RBMS1: variants seen among roughly 807,000 people sequenced by gnomAD.
RBMS1 encodes the protein RNA-binding motif, single-stranded-interacting protein 1.
RBMS1 carries 17 observed loss-of-function variants against 62.3 expected under a neutral mutation model. The observed-to-expected ratio is 0.27, with a 90% CI of 0.19 to 0.41. The LOEUF (loss-of-function observed/expected upper bound fraction) is 0.41, where lower values mean the gene tolerates loss of function less well. Among genes scored for constraint, RBMS1 ranks in the 10% least tolerant of loss-of-function variants. RBMS1 has a pLI of 1.00. For missense variants in RBMS1, 334 were observed against 504.5 expected, an observed-to-expected ratio of 0.66 and a Z score of 3.24; for synonymous variants, 172 against 170.0, an observed-to-expected ratio of 1.01 and a Z score of -0.09.
Position 160,375,896 on chromosome 2 carries a change from GA to G in RBMS1, c.76-8506del, listed in dbSNP as rs34226372. On this transcript the variant is annotated intron_variant, in intron 1 of 13. Coordinates refer to ENST00000348849, the MANE Select transcript of RBMS1 (RefSeq NM_016836.4). ...CTTTACTTTTTACTCAAAATAAATG[GA>G]AAAAAAAAAAAAAAGAAAGAAAACT... Among the ~76,000 whole-genome samples the G allele has an allele frequency of 4.0e-3, 508 of 126,890 alleles. 2 individuals are homozygous for G. Among genetic ancestry groups the G allele is most frequent in the Non-Finnish European group, 4.5e-3 (272 of 59,936 alleles). The allele number at this position is 126,890 out of a possible 152,430, so 83.2% of individuals were successfully genotyped here.
chr2:160,374,109 C>CA (rs1024804431), intron 1 of RBMS1, among the ~76,000 whole-genome samples: 10 of 151,608 alleles, frequency 6.6e-5, no homozygotes, highest in African/African-American at 1.9e-4. Context: ...CCTGACTCTA[C>CA]AAAAAAAATT....
At chr2:160,390,965 C>G (rs1323586255) in intron 1 of RBMS1, among the ~76,000 whole-genome samples, 1 of 151,388 alleles carries the variant, frequency 6.6e-6, no homozygotes, top group Admixed American at 6.6e-5. Flanking sequence ...GCTATGGAAG[C>G]TAATGTGACC....
chr2:160,465,682 CCTT>C (rs1192370028), intron 1 of RBMS1, among the ~76,000 whole-genome samples: 1 of 152,136 alleles, frequency 6.6e-6, no homozygotes, highest in East Asian at 1.9e-4. Context: ...CTCTCTAGGG[CCTT>C]CTCCTGAGTG....
chr2:160,434,899 C>G (rs1404688502), intron 1 of RBMS1, among the ~76,000 whole-genome samples: 1 of 152,108 alleles, frequency 6.6e-6, no homozygotes, highest in Non-Finnish European at 1.5e-5. Flanking sequence ...ATAAAAGGAG[C>G]TTTGACTTCC....
rs761985258 is a variant in RBMS1, at chr2:160,493,385, G to A, written c.-22C>T. ...CCATGAAGCTGGAAGGGAGCCTGCC[G>A]TGCAGGGTCGCGGACACTTTGGGGT... On this transcript the variant is annotated 5_prime_UTR_variant, in exon 1 of 14. In the 5' UTR this introduces an upstream ATG that the reference lacks. Transcript: ENST00000348849. 1.2e-6 allele frequency: 2 copies of A among 1,609,980 alleles called. No individual in the cohort carries two copies. Among genetic ancestry groups the A allele is most frequent in the South Asian group, 1.1e-5 (1 of 90,994 alleles).
chr2:160,320,871 G>T (rs148603718), intron 2 of RBMS1, among the ~76,000 whole-genome samples: 1 of 152,194 alleles, frequency 6.6e-6, no homozygotes, highest in East Asian at 1.9e-4. Context: ...TCTCTCGTGT[G>T]TACAAGTCCT....
intron 1 of RBMS1, among the ~76,000 whole-genome samples, chr2:160,426,736 T>C (rs1682645819): frequency 1.3e-5 from 2 of 152,236 alleles, no homozygotes; most frequent in South Asian, 4.1e-4. Flanking sequence ...TATTTAGGAA[T>C]GAGCGCTTCC....
chr2:160,300,547 G>A, intron 6 of RBMS1, 104 bp downstream of exon 6: 1 of 1,368,106 alleles, frequency 7.3e-7, no homozygotes, highest in East Asian at 2.7e-5. Context: ...GCATCTTAAA[G>A]AGTGAAATGA....
At chr2:160,278,460 G>C in intron 11 of RBMS1, 88 bp downstream of exon 11, 1 of 1,041,400 alleles carries the variant, frequency 9.6e-7, no homozygotes, top group Non-Finnish European at 1.5e-6. Context: ...TGTTATCATA[G>C]AGGCTGTCAT....
intron 1 of RBMS1, among the ~76,000 whole-genome samples, chr2:160,409,788 C>T (rs1695950508): frequency 6.6e-6 from 1 of 151,974 alleles, no homozygotes. Context: ...GCTGTGCAAT[C>T]CAGAATGCTA....
intron 1 of RBMS1, among the ~76,000 whole-genome samples, chr2:160,475,943 G>A (rs910159624): frequency 4.7e-5 from 7 of 148,508 alleles, no homozygotes; most frequent in African/African-American, 1.0e-4. Flanking sequence ...TGCAACCTTC[G>A]CCCCCCGAGC....
intron 1 of RBMS1, among the ~76,000 whole-genome samples, chr2:160,479,237 T>G (rs1417809662): frequency 6.6e-6 from 1 of 152,060 alleles, no homozygotes; most frequent in Non-Finnish European, 1.5e-5. Flanking sequence ...AAGAAAGACT[T>G]CAGAAACACA....
intron 1 of RBMS1, among the ~76,000 whole-genome samples, chr2:160,460,823 TG>T (rs1169363376): frequency 3.9e-5 from 6 of 152,268 alleles, no homozygotes; most frequent in Non-Finnish European, 5.9e-5. Flanking sequence ...CCCTAAGCTC[TG>T]TGAGAAACAT....
chr2:160,273,994 C>T lies in RBMS1; in HGVS notation c.*778G>A, dbSNP rs748817416. ...TGTGAAAAATCATTAAAAACACCTA[C>T]TACATATTTAAAAAAGCCAAAATTT... On this transcript the variant is annotated 3_prime_UTR_variant, in exon 14 of 14. Transcript: ENST00000348849. The T allele has an allele frequency of 6.6e-6, 1 of 152,634 alleles. No homozygotes were observed. The highest frequency in any genetic ancestry group is 2.4e-5 in the African/African-American group (1 of 41,454). 9.5% of individuals were successfully genotyped at this position (152,634 alleles called of 1,614,324 possible). A position where few individuals can be genotyped will look rare whatever the true frequency, so the allele number is the denominator to read the frequency against.
chr2:160,378,726 T>G (rs1694128332), intron 1 of RBMS1, among the ~76,000 whole-genome samples: 1 of 152,148 alleles, frequency 6.6e-6, no homozygotes, highest in Non-Finnish European at 1.5e-5. Flanking sequence ...TCACTAGAAT[T>G]GCCTACCCAT....
At chr2:160,287,195 C>T (rs764296224) in intron 6 of RBMS1, 111 bp from the exon 7 acceptor site, 45 of 1,407,836 alleles carry the variant, frequency 3.2e-5, no homozygotes, top group Non-Finnish European at 4.1e-5. Context: ...ATTCATACAA[C>T]ACTTTAAGGC....
intron 1 of RBMS1, among the ~76,000 whole-genome samples, chr2:160,453,356 G>C (rs12472445): frequency 0.72 from 109,729 of 151,978 alleles, 40,004 homozygotes; most frequent in Admixed American, 0.79. Flanking sequence ...AGTTTCCCCT[G>C]TCATCCTTAC....
chr2:160,333,607 T>C (rs1010020505), intron 2 of RBMS1, among the ~76,000 whole-genome samples: 38 of 152,144 alleles, frequency 2.5e-4, no homozygotes, highest in African/African-American at 8.7e-4. Flanking sequence ...AGGGAATGGC[T>C]TGAAGCTGAA....
At chr2:160,493,195 G>A (rs1559620168) in intron 1 of RBMS1, 94 bp downstream of exon 1, 2 of 1,226,298 alleles carry the variant, frequency 1.6e-6, no homozygotes, top group East Asian at 2.5e-5. Context: ...GGCGGTGGCG[G>A]GGGTTCGCCG....
Sources: gnomAD v4.1 joint callset for allele counts (sites outside exome capture counted in the v4.1 genomes callset) on GRCh38, gnomAD v4.1.1 for gene constraint, MANE v1.5 for transcripts, NCBI Gene and HGNC (gene_info 2026-07-23, HGNC 2026-07-21) for gene names.